The following ARHGAP26 variants were observed in gnomAD, a reference collection of about 807,000 sequenced individuals.
The protein encoded by ARHGAP26 is Rho GTPase activating protein 26, also known as rho GTPase-activating protein 26.
Under a neutral mutation model 104.8 loss-of-function variants are expected in ARHGAP26, and 38 were observed. That is an observed-to-expected ratio of 0.36 (90% CI 0.28 to 0.48). ARHGAP26 has a LOEUF of 0.48. Ranked by LOEUF, ARHGAP26 falls within the 20% of genes least tolerant of loss-of-function variation. The probability of loss-of-function intolerance (pLI) is 0.99; values close to 1 mark genes in which losing one functional copy is unlikely to be tolerated. For missense variants in ARHGAP26, 704 were observed against 947.9 expected, an observed-to-expected ratio of 0.74 and a Z score of 3.38; for synonymous variants, 341 against 340.0, an observed-to-expected ratio of 1.00 and a Z score of -0.03.
At chr5:142,974,438 G>A (rs533039086) in intron 11 of ARHGAP26, among the ~76,000 whole-genome samples, 1 of 152,090 alleles carries the variant, frequency 6.6e-6, no homozygotes, top group African/African-American at 2.4e-5. Flanking sequence ...AAAATTACAG[G>A]CAATGGCCCT....
At chr5:142,888,170 C>T (rs1757991525) in intron 5 of ARHGAP26, among the ~76,000 whole-genome samples, 1 of 152,222 alleles carries the variant, frequency 6.6e-6, no homozygotes, top group Admixed American at 6.5e-5. Flanking sequence ...GGTTACTACT[C>T]TGTTTTACAC....
intron 1 of ARHGAP26, among the ~76,000 whole-genome samples, chr5:142,794,234 G>T (rs1003509221): frequency 6.6e-6 from 1 of 152,192 alleles, no homozygotes; most frequent in Non-Finnish European, 1.5e-5. Context: ...CTTTGTTGAA[G>T]CCTGTGCTCA....
At chr5:142,972,519 T>C (rs1008217627) in intron 11 of ARHGAP26, among the ~76,000 whole-genome samples, 3 of 152,202 alleles carry the variant, frequency 2.0e-5, no homozygotes, top group Non-Finnish European at 4.4e-5. Flanking sequence ...ATTGTATTCC[T>C]TATTTTTAAA....
At chr5:143,210,314 G>T (rs1324494677) in intron 21 of ARHGAP26, among the ~76,000 whole-genome samples, 2 of 152,062 alleles carry the variant, frequency 1.3e-5, no homozygotes, top group Non-Finnish European at 2.9e-5. Flanking sequence ...GATCTCGTGA[G>T]ACCCATTCAG....
At chr5:143,102,079 A>G (rs528342939) in intron 17 of ARHGAP26, among the ~76,000 whole-genome samples, 2 of 152,156 alleles carry the variant, frequency 1.3e-5, no homozygotes, top group Non-Finnish European at 2.9e-5. Context: ...CTATGTGGTA[A>G]GTGGAACTGG....
intron 11 of ARHGAP26, among the ~76,000 whole-genome samples, chr5:143,011,303 C>CTTTTTTTTTTTTT (rs58841045): frequency 9.0e-6 from 1 of 110,984 alleles, no homozygotes. Context: ...TAAACCCCCG[C>CTTTTTTTTTTTTT]TTTTTTTTTT....
chr5:143,091,893 A>C (rs1432271420), intron 17 of ARHGAP26, among the ~76,000 whole-genome samples: 1 of 152,196 alleles, frequency 6.6e-6, no homozygotes, highest in Non-Finnish European at 1.5e-5. Flanking sequence ...TTTAAAACAA[A>C]ATATATATTT....
chr5:142,863,900 G>T (rs190591858), intron 1 of ARHGAP26, among the ~76,000 whole-genome samples: 2 of 152,232 alleles, frequency 1.3e-5, no homozygotes, highest in Non-Finnish European at 2.9e-5. Context: ...AACCCTCCCA[G>T]CCCCACTGCC....
chr5:143,108,518 A>G (rs1406550037), intron 17 of ARHGAP26, among the ~76,000 whole-genome samples: 2 of 152,184 alleles, frequency 1.3e-5, no homozygotes, highest in African/African-American at 4.8e-5. Flanking sequence ...TGTCAATTCC[A>G]GTCACTTTGG....
intron 21 of ARHGAP26, among the ~76,000 whole-genome samples, chr5:143,213,419 TC>T (rs1396706805): frequency 8.1e-6 from 1 of 123,838 alleles, no homozygotes; most frequent in Non-Finnish European, 1.6e-5. Context: ...GTCTATTCCC[TC>T]CCCTGGGGGT....
chr5:143,030,276 C>T (rs1781665484), intron 12 of ARHGAP26, among the ~76,000 whole-genome samples: 1 of 152,142 alleles, frequency 6.6e-6, no homozygotes, highest in South Asian at 2.1e-4. Flanking sequence ...CCTCAGGCCT[C>T]AGGCCCCTCT....
intron 1 of ARHGAP26, among the ~76,000 whole-genome samples, chr5:142,838,833 A>G (rs1430573831): frequency 6.6e-6 from 1 of 152,232 alleles, no homozygotes; most frequent in African/African-American, 2.4e-5. Context: ...ACAGACTCAG[A>G]AAAGTTAAGT....
intron 11 of ARHGAP26, among the ~76,000 whole-genome samples, chr5:142,943,331 G>A (rs148600795): frequency 6.6e-6 from 1 of 152,302 alleles, no homozygotes; most frequent in Non-Finnish European, 1.5e-5. Context: ...GGGTAGTATA[G>A]AAATATGTAT....
At chr5:143,199,357 T>C (rs1016645570) in intron 20 of ARHGAP26, among the ~76,000 whole-genome samples, 2 of 152,226 alleles carry the variant, frequency 1.3e-5, no homozygotes, top group African/African-American at 4.8e-5. Context: ...TTTCAACAGA[T>C]AAAAACTGGT....
chr5:143,069,523 C>T (rs529374812), intron 17 of ARHGAP26, among the ~76,000 whole-genome samples: 3 of 152,326 alleles, frequency 2.0e-5, no homozygotes, highest in South Asian at 4.1e-4. Flanking sequence ...TGGGTAAGGT[C>T]CCCACATCTG....
At chr5:142,953,001 A>C (rs1029764355) in intron 11 of ARHGAP26, among the ~76,000 whole-genome samples, 1 of 152,034 alleles carries the variant, frequency 6.6e-6, no homozygotes, top group African/African-American at 2.4e-5. Context: ...GAGTCACAGC[A>C]CCCGGCCCCA....
chr5:143,121,376 T>G (rs1796116954), intron 18 of ARHGAP26, among the ~76,000 whole-genome samples: 1 of 152,168 alleles, frequency 6.6e-6, no homozygotes, highest in African/African-American at 2.4e-5. Flanking sequence ...GTGGTGGCAG[T>G]GGTGGGTAAA....
rs184346663 is a variant in ARHGAP26, at chr5:143,174,277, C to T, written c.1988+26896C>T. Among the ~76,000 whole-genome samples the T allele has an allele frequency of 4.8e-4, 73 of 152,228 alleles. 1 individual carries two copies. Among genetic ancestry groups the T allele is most frequent in the African/African-American group, 1.6e-3 (66 of 41,542 alleles). On this transcript the variant is annotated intron_variant, in intron 20 of 22. Transcript: ENST00000645722. ...ATGCTACATAGCCACTAAGAAAGAA[C>T]GAGGAGGCAACTTTTCGTGTAATGA...
At chr5:143,151,282 T>G (rs1020879608) in intron 20 of ARHGAP26, among the ~76,000 whole-genome samples, 1 of 152,184 alleles carries the variant, frequency 6.6e-6, no homozygotes, top group African/African-American at 2.4e-5. Context: ...AAATGCTGGC[T>G]AGGATGTGGA....
Sources: allele counts gnomAD v4.1 joint callset (sites outside exome capture counted in the v4.1 genomes callset), GRCh38; gene constraint gnomAD v4.1.1; transcripts MANE v1.5; gene names NCBI Gene and HGNC (gene_info 2026-07-23, HGNC 2026-07-21).